FALEC: variants seen among roughly 807,000 people sequenced by gnomAD.
The protein encoded by FALEC is focally amplified lncRNA regulator of ECM1.
At chr1:150,533,157 C>A in the FALEC span, among the ~76,000 whole-genome samples, 1 of 152,192 alleles carries the variant, frequency 6.6e-6, no homozygotes, top group East Asian at 1.9e-4. Context: ...TCATTTTATT[C>A]AAAAAGGCAC....
At chr1:150,534,256 G>A in the FALEC span, among the ~76,000 whole-genome samples, 1 of 152,218 alleles carries the variant, frequency 6.6e-6, no homozygotes, top group Non-Finnish European at 1.5e-5. Flanking sequence ...TGCCCTGCAG[G>A]TGTGGGCTGC....
At chr1:150,535,330 G>A in the FALEC span, among the ~76,000 whole-genome samples, 3,862 of 152,076 alleles carry the variant, frequency 0.025, 83 homozygotes, top group Middle Eastern at 0.078. Flanking sequence ...TGCAACCTCC[G>A]CCTCCCAGGT....
chr1:150,522,876 CATATATATAT>C (rs587688475), downstream of FALEC, among the ~76,000 whole-genome samples: 8 of 98,114 alleles, frequency 8.2e-5, no homozygotes, highest in African/African-American at 3.3e-4. Context: ...CGTATATATA[CATATATATAT>C]ACGTATATAT....
downstream of FALEC, among the ~76,000 whole-genome samples, chr1:150,520,955 A>G (rs1670634744): frequency 1.3e-5 from 2 of 151,508 alleles, no homozygotes; most frequent in African/African-American, 4.9e-5. Flanking sequence ...GCGCCTGCCA[A>G]TACGCCTGGC....
downstream of FALEC, among the ~76,000 whole-genome samples, chr1:150,522,864 T>TACAC (rs1560270613): frequency 2.7e-4 from 28 of 103,294 alleles, 1 homozygote; most frequent in African/African-American, 9.7e-4. Context: ...TATATATATA[T>TACAC]ACGTATATAT....
downstream of FALEC, among the ~76,000 whole-genome samples, chr1:150,521,292 A>G (rs587694547): frequency 6.6e-6 from 1 of 152,336 alleles, no homozygotes; most frequent in South Asian, 2.1e-4. Flanking sequence ...TGGCTTAACT[A>G]GAGAATGCCA....
the FALEC span, among the ~76,000 whole-genome samples, chr1:150,528,879 G>A: frequency 4.0e-5 from 6 of 151,748 alleles, no homozygotes; most frequent in South Asian, 4.2e-4. Flanking sequence ...GAGCCACTGC[G>A]CCTGGCACTT....
At chr1:150,529,016 C>CAAAAAAAAAAAAAAA in the FALEC span, among the ~76,000 whole-genome samples, 207 of 59,198 alleles carry the variant, frequency 3.5e-3, 8 homozygotes, top group East Asian at 5.5e-3. Context: ...AAATAAATAG[C>CAAAAAAAAAAAAAAA]AAAAAAAAAA....
downstream of FALEC, among the ~76,000 whole-genome samples, chr1:150,522,823 G>A (rs1285807668): frequency 1.5e-5 from 2 of 131,270 alleles, no homozygotes; most frequent in East Asian, 2.1e-4. Flanking sequence ...AGGTATACTG[G>A]ATTAATGAAC....
chr1:150,524,410 A>G, the FALEC span, among the ~76,000 whole-genome samples: 2 of 152,182 alleles, frequency 1.3e-5, no homozygotes, highest in African/African-American at 4.8e-5. Context: ...TAACTAGACT[A>G]CCTCTACAAA....
the FALEC span, among the ~76,000 whole-genome samples, chr1:150,530,475 A>G: frequency 2.0e-5 from 3 of 152,024 alleles, no homozygotes; most frequent in Non-Finnish European, 4.4e-5. Flanking sequence ...TAAAATGGAG[A>G]TGATAACAGT....
the FALEC span, among the ~76,000 whole-genome samples, chr1:150,533,683 A>T: frequency 1.1e-4 from 17 of 152,134 alleles, no homozygotes; most frequent in Admixed American, 7.9e-4. Flanking sequence ...GTGATCCACC[A>T]GCCTCATCTT....
downstream of FALEC, among the ~76,000 whole-genome samples, chr1:150,518,405 A>G (rs1284102469): frequency 2.1e-5 from 3 of 143,318 alleles, no homozygotes; most frequent in African/African-American, 7.8e-5. Flanking sequence ...TTTTTTTAAG[A>G]TGGAGTTTCA....
chr1:150,525,681 C>T, the FALEC span, among the ~76,000 whole-genome samples: 2 of 152,178 alleles, frequency 1.3e-5, no homozygotes, highest in African/African-American at 2.4e-5. Context: ...AGTTACAGCT[C>T]ATTTTGCCTA....
At chr1:150,526,527 A>G in the FALEC span, among the ~76,000 whole-genome samples, 1 of 65,024 alleles carries the variant, frequency 1.5e-5, no homozygotes, top group East Asian at 2.9e-4. Flanking sequence ...ATTGAACCTA[A>G]TGTTGTTTTT....
At chr1:150,518,979 C>T (rs1670605434), downstream of FALEC, among the ~76,000 whole-genome samples, 1 of 152,046 alleles carries the variant, frequency 6.6e-6, no homozygotes, top group Non-Finnish European at 1.5e-5. Context: ...TCACTTGAAC[C>T]CAGGAGGCAG....
At chr1:150,532,260 G>C in the FALEC span, among the ~76,000 whole-genome samples, 1 of 152,050 alleles carries the variant, frequency 6.6e-6, no homozygotes, top group African/African-American at 2.4e-5. Flanking sequence ...ACCCAGGAAC[G>C]AAAGCGCAGG....
At chr1:150,527,672 A>C in the FALEC span, among the ~76,000 whole-genome samples, 1 of 152,086 alleles carries the variant, frequency 6.6e-6, no homozygotes, top group Non-Finnish European at 1.5e-5. Context: ...CAATATGGCG[A>C]AACCCCACCT....
downstream of FALEC, among the ~76,000 whole-genome samples, chr1:150,519,070 A>G (rs1265925399): frequency 1.3e-5 from 2 of 152,174 alleles, no homozygotes; most frequent in South Asian, 4.1e-4. Flanking sequence ...AAACAAACAA[A>G]TTAATAATAA....
Sources: allele counts gnomAD v4.1 joint callset (sites outside exome capture counted in the v4.1 genomes callset), GRCh38; gene constraint gnomAD v4.1.1; transcripts MANE v1.5; gene names NCBI Gene and HGNC (gene_info 2026-07-23, HGNC 2026-07-21).